Variants in DLG2 observed in about 807,000 individuals in gnomAD.
DLG2 encodes disks large homolog 2.
DLG2 carries 45 observed loss-of-function variants against 132.5 expected under a neutral mutation model. That is an observed-to-expected ratio of 0.34 (90% CI 0.27 to 0.44). DLG2 has a LOEUF of 0.44. Ranked by LOEUF, DLG2 falls within the 20% of genes least tolerant of loss-of-function variation. The pLI, the probability that DLG2 is intolerant of heterozygous loss-of-function variation, is 1.00. For synonymous variants in DLG2, 424 were observed against 419.6 expected (o/e 1.01, Z -0.13); for missense variants, 1,045 against 1,196.9 (o/e 0.87, Z 1.87).
intron 6 of DLG2, among the ~76,000 whole-genome samples, chr11:84,629,211 C>T (rs2099627739): frequency 6.6e-6 from 1 of 152,122 alleles, no homozygotes; most frequent in South Asian, 2.1e-4. Flanking sequence ...TTCTGCAACC[C>T]CTCCCCACAT....
At chr11:85,155,322 T>G (rs934031690) in intron 4 of DLG2, among the ~76,000 whole-genome samples, 4 of 152,178 alleles carry the variant, frequency 2.6e-5, no homozygotes, top group Non-Finnish European at 4.4e-5. Flanking sequence ...AAGTAATTAG[T>G]CTCTGCCCTA....
intron 6 of DLG2, among the ~76,000 whole-genome samples, chr11:85,010,574 T>C (rs1183288314): frequency 1.3e-5 from 2 of 152,138 alleles, no homozygotes; most frequent in Non-Finnish European, 2.9e-5. Context: ...TTTCTTCTAG[T>C]ATTATTTCTG....
intron 6 of DLG2, among the ~76,000 whole-genome samples, chr11:84,893,932 G>T (rs1022216685): frequency 2.0e-5 from 3 of 152,150 alleles, no homozygotes; most frequent in Admixed American, 2.0e-4. Context: ...GGGTATTTAT[G>T]ACCTCGCTGG....
At chr11:83,822,280 C>T (rs1439356053) in intron 17 of DLG2, among the ~76,000 whole-genome samples, 1 of 152,166 alleles carries the variant, frequency 6.6e-6, no homozygotes, top group African/African-American at 2.4e-5. Flanking sequence ...CAGGCCTAGG[C>T]TCCTCCCACT....
chr11:84,284,349 A>G (rs141762720), intron 7 of DLG2, among the ~76,000 whole-genome samples: 256 of 152,346 alleles, frequency 1.7e-3, no homozygotes, highest in African/African-American at 5.7e-3. Flanking sequence ...CATATTTTAT[A>G]AGGGGAATTA....
At chr11:85,370,911 A>C (rs2084927669) in intron 3 of DLG2, among the ~76,000 whole-genome samples, 2 of 152,064 alleles carry the variant, frequency 1.3e-5, no homozygotes, top group South Asian at 4.1e-4. Flanking sequence ...ATTGTATGGG[A>C]TTTCTAAAAT....
intron 6 of DLG2, among the ~76,000 whole-genome samples, chr11:84,654,382 ATTG>A (rs1209674236): frequency 6.6e-6 from 1 of 152,152 alleles, no homozygotes; most frequent in Non-Finnish European, 1.5e-5. Flanking sequence ...TTCTTAAAGA[ATTG>A]CAGTCTACCA....
intron 8 of DLG2, among the ~76,000 whole-genome samples, chr11:84,249,831 A>G (rs2097349024): frequency 6.6e-6 from 1 of 152,186 alleles, no homozygotes; most frequent in Admixed American, 6.5e-5. Flanking sequence ...TTGTTCAGAA[A>G]GATTTAAGAA....
chr11:84,945,148 A>C (rs2050036999), intron 6 of DLG2, among the ~76,000 whole-genome samples: 1 of 152,192 alleles, frequency 6.6e-6, no homozygotes, highest in African/African-American at 2.4e-5. Context: ...TGTAGTCTTT[A>C]CAGCCTGGGC....
chr11:83,979,278 A>C (rs779541492), intron 12 of DLG2, among the ~76,000 whole-genome samples: 4 of 152,088 alleles, frequency 2.6e-5, no homozygotes, highest in Non-Finnish European at 4.4e-5. Context: ...AGGTCATAAA[A>C]ATTAATTTTC....
At chr11:84,776,216 G>A (rs2070460149) in intron 6 of DLG2, among the ~76,000 whole-genome samples, 1 of 152,108 alleles carries the variant, frequency 6.6e-6, no homozygotes, top group Admixed American at 6.6e-5. Context: ...GTGCAGTTGT[G>A]TGATCACAGC....
At chr11:84,338,954 A>G (rs1456234486) in intron 7 of DLG2, among the ~76,000 whole-genome samples, 1 of 152,198 alleles carries the variant, frequency 6.6e-6, no homozygotes, top group Non-Finnish European at 1.5e-5. Context: ...CACTGGGATC[A>G]TTCATAACAA....
chr11:83,593,898 C>A (rs1199526640), intron 19 of DLG2, among the ~76,000 whole-genome samples: 2 of 150,278 alleles, frequency 1.3e-5, no homozygotes, highest in East Asian at 4.0e-4. Flanking sequence ...TGCAATAATT[C>A]CTTTTCTCCA....
At chr11:83,867,653 T>C (rs2062651595) in intron 16 of DLG2, among the ~76,000 whole-genome samples, 1 of 152,190 alleles carries the variant, frequency 6.6e-6, no homozygotes, top group African/African-American at 2.4e-5. Flanking sequence ...AATTCCACGT[T>C]TGGAAACTTC....
chr11:84,207,472 C>G (rs1444634165), intron 8 of DLG2, among the ~76,000 whole-genome samples: 1 of 151,994 alleles, frequency 6.6e-6, no homozygotes, highest in Non-Finnish European at 1.5e-5. Context: ...AATACTGAGT[C>G]CAGATATAGT....
chr11:84,504,972 A>G (rs1304314741), intron 7 of DLG2, among the ~76,000 whole-genome samples: 2 of 152,138 alleles, frequency 1.3e-5, no homozygotes, highest in South Asian at 2.1e-4. Context: ...TATTATGAAT[A>G]GTGTGTTTTC....
At chr11:85,298,800 A>C (rs954573431) in intron 3 of DLG2, among the ~76,000 whole-genome samples, 1 of 151,796 alleles carries the variant, frequency 6.6e-6, no homozygotes, top group African/African-American at 2.4e-5. Context: ...TATATAACAG[A>C]TTGCTCTTGT....
chr11:85,373,923 T>C (rs2085192520), intron 3 of DLG2, among the ~76,000 whole-genome samples: 1 of 152,172 alleles, frequency 6.6e-6, no homozygotes, highest in African/African-American at 2.4e-5. Flanking sequence ...TCAGAGCTCC[T>C]GTGGATCAGT....
intron 5 of DLG2, among the ~76,000 whole-genome samples, chr11:85,133,566 C>T (rs759763721): frequency 2.6e-5 from 4 of 152,188 alleles, no homozygotes; most frequent in African/African-American, 4.8e-5. Flanking sequence ...AAAAGGGTTA[C>T]ATTTCTCCTT....
Sources: gnomAD v4.1 joint callset for allele counts (sites outside exome capture counted in the v4.1 genomes callset) on GRCh38, gnomAD v4.1.1 for gene constraint, MANE v1.5 for transcripts, NCBI Gene and HGNC (gene_info 2026-07-23, HGNC 2026-07-21) for gene names.